Variants in EML6 observed in about 807,000 individuals in gnomAD.
The protein encoded by EML6 is echinoderm microtubule-associated protein-like 6.
A neutral mutation model predicts 240.1 loss-of-function variants in EML6; 154 were observed. That is an observed-to-expected ratio of 0.64 (90% CI 0.56 to 0.73). The LOEUF (loss-of-function observed/expected upper bound fraction) is 0.73, where lower values mean the gene tolerates loss of function less well. EML6 is among the 30% of genes least tolerant of loss of function. The probability of loss-of-function intolerance (pLI) is 0.00; values close to 1 mark genes in which losing one functional copy is unlikely to be tolerated. For synonymous variants in EML6, 1,148 were observed against 899.0 expected (o/e 1.28, Z -4.95); for missense variants, 2,964 against 2,474.6 (o/e 1.20, Z -4.20).
rs1671129384 is a variant in EML6, at chr2:54,869,230, G to A, written c.2101G>A (p.Glu701Lys). 2.6e-6 allele frequency: 4 copies of A among 1,551,844 alleles called. No individual in the cohort carries two copies. In the East Asian group the frequency reaches 9.8e-5, roughly 38 times the overall value. The change falls in exon 15 of 42, where the codon GAA becomes AAA. Residue 701 changes from glutamate to lysine, a missense_variant. Physicochemically the swap from Glu to Lys is moderately conservative, Grantham distance 56 (BLOSUM62 1). Transcript: ENST00000356458. ...CAATCTGTTCTACACACAAGCTGGAGAAGTAGTCTACCACATTGCTGCAGT... is the reference window on the plus strand; with the variant it reads ...CAATCTGTTCTACACACAAGCTGGAAAAGTAGTCTACCACATTGCTGCAGT... ...RNNLFYTQAG[E>K]VVYHIAAVAV...
At chr2:54,905,840 C>T (rs973770634) in intron 24 of EML6, among the ~76,000 whole-genome samples, 1 of 152,180 alleles carries the variant, frequency 6.6e-6, no homozygotes, top group Non-Finnish European at 1.5e-5. Flanking sequence ...CAAGATTCCT[C>T]CATGTTGTAG....
intron 28 of EML6, among the ~76,000 whole-genome samples, chr2:54,931,052 G>T (rs1459039539): frequency 2.7e-5 from 4 of 149,662 alleles, no homozygotes; most frequent in African/African-American, 9.9e-5. Context: ...CCGCCTCCCG[G>T]GTTCACGCCA....
chr2:54,970,357 C>G lies in EML6; in HGVS notation c.*262C>G, dbSNP rs1676936819. 1 of 466,644 alleles carries G rather than the reference C, an allele frequency of 2.1e-6. No individual in the cohort carries two copies. Among genetic ancestry groups the G allele is most frequent in the Non-Finnish European group, 3.9e-6 (1 of 258,644 alleles). The allele number at this position is 466,644 out of a possible 1,614,324, so 28.9% of individuals were successfully genotyped here. On this transcript the variant is annotated 3_prime_UTR_variant, in exon 42 of 42. Transcript: ENST00000356458. Reference sequence around the variant, plus strand: ...TTCCTGAGACTAAACAGTATACATACTAACTACATTGACAAAGAAATCCTA... The same window carrying G: ...TTCCTGAGACTAAACAGTATACATAGTAACTACATTGACAAAGAAATCCTA...
chr2:54,829,286 TATTC>T (rs748356510), intron 6 of EML6, 52 bp from the exon 7 acceptor site: 85 of 1,486,400 alleles, frequency 5.7e-5, no homozygotes, highest in Non-Finnish European at 7.2e-5. Context: ...CAACTGTATC[TATTC>T]ATTATACTTA....
At chr2:54,792,761 AATAGAAATACGCT>A (rs1669522150) in intron 2 of EML6, among the ~76,000 whole-genome samples, 1 of 152,232 alleles carries the variant, frequency 6.6e-6, no homozygotes, top group South Asian at 2.1e-4. Context: ...TTTGGGATAA[AATAGAAATACGCT>A]ATAGAAATAC....
rs749899884 is a variant in EML6, at chr2:54,964,578, C to T, written c.5338C>T (p.Pro1780Ser). ...TCGGATTGCTTTTTCTAGAATCAGC[C>T]CAGACAACCGATTCTTAGCCGTTGG... ...KSAIQDIRISPDNRFLAVGSS... is the reference protein window; with the variant it reads ...KSAIQDIRISSDNRFLAVGSS... The change falls in exon 38 of 42, where the codon CCA (proline) becomes TCA (serine). Residue 1780 changes from proline (P) to serine (S), a missense_variant. Pro to Ser is a moderately conservative substitution (Grantham distance 74). Coordinates refer to ENST00000356458, the MANE Select transcript of EML6 (RefSeq NM_001039753.4). 3.9e-6 allele frequency: 6 copies of T among 1,552,300 alleles called. No homozygotes were observed. Among genetic ancestry groups the T allele is most frequent in the Middle Eastern group, 1.7e-4 (1 of 5,998 alleles).
At chr2:54,873,948 C>T (rs899908074) in intron 16 of EML6, among the ~76,000 whole-genome samples, 2 of 151,254 alleles carry the variant, frequency 1.3e-5, no homozygotes, top group African/African-American at 4.9e-5. Flanking sequence ...ACTCAAAATA[C>T]CATCTATCAC....
At chr2:54,737,926 C>A (rs1244086108) in intron 2 of EML6, among the ~76,000 whole-genome samples, 1 of 152,134 alleles carries the variant, frequency 6.6e-6, no homozygotes, top group East Asian at 1.9e-4. Flanking sequence ...GCTTGAATAC[C>A]CAGGTGCTCT....
intron 40 of EML6, 76 bp downstream of exon 40, chr2:54,968,357 T>G: frequency 7.3e-7 from 1 of 1,371,054 alleles, no homozygotes; most frequent in Non-Finnish European, 1.0e-6. Flanking sequence ...CACGTCTAGA[T>G]GGCCCTCTGG....
chr2:54,863,672 G>A (rs1041191499), intron 12 of EML6, 111 bp from the exon 13 acceptor site: 5 of 670,610 alleles, frequency 7.5e-6, no homozygotes, highest in African/African-American at 5.6e-5. Flanking sequence ...TGAAAACTAT[G>A]GTATAGTTTT....
chr2:54,955,632 C>T (rs887329197), intron 32 of EML6, among the ~76,000 whole-genome samples: 1 of 152,208 alleles, frequency 6.6e-6, no homozygotes, highest in African/African-American at 2.4e-5. Flanking sequence ...GTCTTCACTC[C>T]CTCTACCTGT....
At chr2:54,899,548 G>T (rs1471947995) in intron 21 of EML6, 93 bp from the exon 22 acceptor site, 2 of 1,246,708 alleles carry the variant, frequency 1.6e-6, no homozygotes, top group African/African-American at 1.5e-5. Context: ...CTTTTTTGTG[G>T]TACTCTTGGA....
At chr2:54,864,179 A>G (rs1344754933) in intron 13 of EML6, among the ~76,000 whole-genome samples, 1 of 152,216 alleles carries the variant, frequency 6.6e-6, no homozygotes, top group Non-Finnish European at 1.5e-5. Flanking sequence ...TATTTTGAAG[A>G]AAAATGTGCA....
chr2:54,802,185 C>T (rs1670188234), intron 2 of EML6, among the ~76,000 whole-genome samples: 1 of 152,124 alleles, frequency 6.6e-6, no homozygotes, highest in African/African-American at 2.4e-5. Flanking sequence ...ATACTGATGG[C>T]AGAATTTTAA....
chr2:54,913,925 C>T (rs1364336772), intron 25 of EML6, among the ~76,000 whole-genome samples: 1 of 152,152 alleles, frequency 6.6e-6, no homozygotes, highest in Non-Finnish European at 1.5e-5. Flanking sequence ...GTCCTTTCCC[C>T]ATTGCTTATT....
intron 26 of EML6, among the ~76,000 whole-genome samples, chr2:54,918,029 T>C (rs192733119): frequency 2.0e-5 from 3 of 152,320 alleles, no homozygotes; most frequent in Non-Finnish European, 4.4e-5. Context: ...CACTACAAAA[T>C]TGAATCATAG....
chr2:54,794,923 T>A (rs1669673766), intron 2 of EML6, among the ~76,000 whole-genome samples: 2 of 152,200 alleles, frequency 1.3e-5, no homozygotes, highest in South Asian at 4.1e-4. Flanking sequence ...TTCAGGATAT[T>A]GATTACCTTA....
chr2:54,840,650 T>G (rs1009712382), intron 7 of EML6, among the ~76,000 whole-genome samples: 1 of 152,268 alleles, frequency 6.6e-6, no homozygotes, highest in South Asian at 2.1e-4. Flanking sequence ...TTTTATTTCT[T>G]GGCATCTCCA....
At chr2:54,928,872 A>C in intron 28 of EML6, 121 bp downstream of exon 28, 1 of 1,201,956 alleles carries the variant, frequency 8.3e-7, no homozygotes, top group Non-Finnish European at 1.2e-6. Context: ...ATAAATCTTC[A>C]CAGAGTCTTC....
Sources: gnomAD v4.1 joint callset for allele counts (sites outside exome capture counted in the v4.1 genomes callset) on GRCh38, gnomAD v4.1.1 for gene constraint, MANE v1.5 for transcripts, NCBI Gene and HGNC (gene_info 2026-07-23, HGNC 2026-07-21) for gene names.